The following RABEP2 variants were observed in gnomAD, a reference collection of about 807,000 sequenced individuals.
RABEP2 encodes rab GTPase-binding effector protein 2.
Under a neutral mutation model 74.1 loss-of-function variants are expected in RABEP2, and 57 were observed. That is an observed-to-expected ratio of 0.77 (90% confidence interval 0.62 to 0.96). RABEP2 has a LOEUF of 0.96. Ranked by LOEUF, RABEP2 falls within the 40% of genes least tolerant of loss-of-function variation. RABEP2 has a pLI of 0.00. For synonymous variants in RABEP2, 351 were observed against 344.0 expected, an observed-to-expected ratio of 1.02 and a Z score of -0.23; for missense variants, 692 against 756.3, an observed-to-expected ratio of 0.91 and a Z score of 1.00.
chr16:28,904,580 C>T lies in RABEP2; in HGVS notation c.*363G>A, dbSNP rs769282324. The T allele has an allele frequency of 3.1e-5, 40 of 1,308,250 alleles. No homozygotes were observed. The highest frequency in any genetic ancestry group is 3.0e-5 in the Non-Finnish European group (30 of 984,448). The allele number at this position is 1,308,250 out of a possible 1,614,324, so 81.0% of individuals were successfully genotyped here. A position where few individuals can be genotyped will look rare whatever the true frequency, so the allele number is the denominator to read the frequency against. On this transcript the variant is annotated 3_prime_UTR_variant, in exon 13 of 13. Transcript: ENST00000358201. ...CCAGGGCCGGGGCCCACCTCACTGC[C>T]TCTGATGGGGACTCCCAGCCCCCAT...
chr16:28,911,428 G>A (rs1788373984), intron 5 of RABEP2, among the ~76,000 whole-genome samples: 1 of 152,124 alleles, frequency 6.6e-6, no homozygotes. Flanking sequence ...TTGGAAGGCC[G>A]AGGCGGGTGG....
Position 28,914,763 on chromosome 16 carries a change from T to C in RABEP2, c.452A>G (p.Lys151Arg), listed in dbSNP as rs775314513. 9.9e-6 allele frequency: 16 copies of C among 1,614,030 alleles called. No individual in the cohort carries two copies. The highest frequency in any genetic ancestry group is 1.4e-5 in the Non-Finnish European group (16 of 1,180,004). The change falls in exon 4 of 13, where the codon AAG (lysine) becomes AGG (arginine). Residue 151 changes from lysine to arginine, a missense_variant. Physicochemically the swap from Lys to Arg is conservative, Grantham distance 26. Coordinates refer to ENST00000358201, the MANE Select transcript of RABEP2 (RefSeq NM_024816.3). ...QMEKAHEDSE[K>R]LREIVLPMEK... ...CATGGGCAGTACGATCTCCCGCAGC[T>C]TCTCCGAGTCCTCGTGGGCCTGGAG... is the stretch of plus-strand genomic sequence containing the variant.
At position 28,904,920 on chromosome 16, in the gene RABEP2, G is replaced by A. The variant is rs1425099773; in HGVS notation, c.*23C>T. 4 of 1,558,644 alleles carry A rather than the reference G, an allele frequency of 2.6e-6. No homozygotes were observed. The highest frequency in any genetic ancestry group is 3.5e-6 in the Non-Finnish European group (4 of 1,132,696). ...TGGGGAAAGGCGTCTTTCCCAGGGT[G>A]GGGGTGGGGATATCCTGACCCCTCA... On this transcript the variant is annotated 3_prime_UTR_variant, in exon 13 of 13. Transcript: ENST00000358201.
chr16:28,916,912 C>T (rs1355779915), intron 3 of RABEP2, among the ~76,000 whole-genome samples: 1 of 150,748 alleles, frequency 6.6e-6, no homozygotes, highest in Non-Finnish European at 1.5e-5. Flanking sequence ...TGAACCAGGA[C>T]CTGGGTGCAG....
rs756862564 is a variant in RABEP2, at chr16:28,910,912, G to C, written c.1065C>G (p.Ala355=). Residue 355 remains alanine, a synonymous_variant, in exon 7 of 13, where the codon GCC becomes GCG. Coordinates refer to ENST00000358201, the MANE Select transcript of RABEP2 (RefSeq NM_024816.3). ...CCATCTGCAGCTGCACCCGCTCCTG[G>C]GCCTGGCTCACGGTCCCTTGCAGGG... is the stretch of plus-strand genomic sequence containing the variant. ...LRTLQGTVSQ[A]QERVQLQMAE... 6.2e-7 allele frequency: 1 copy of C among 1,612,730 alleles called. No individual in the cohort carries two copies. Among genetic ancestry groups the C allele is most frequent in the Non-Finnish European group, 8.5e-7 (1 of 1,179,600 alleles).
Position 28,909,028 on chromosome 16 carries a change from TAC to T in RABEP2, c.1090-266_1090-265del, listed in dbSNP as rs888783202. Among the ~76,000 whole-genome samples the T allele has an allele frequency of 3.8e-4, 57 of 148,594 alleles. 1 individual carries two copies. The East Asian group carries it at 7.1e-3, about 18-fold the overall frequency. ...ATATATATATATATATATATACACA[TAC>T]ACACACACACACACAAATATTTAAA... On this transcript the variant is annotated intron_variant, in intron 7 of 12. Coordinates refer to ENST00000358201, the MANE Select transcript of RABEP2 (RefSeq NM_024816.3).
chr16:28,918,120 G>A (rs971220673), intron 3 of RABEP2, among the ~76,000 whole-genome samples: 1 of 140,686 alleles, frequency 7.1e-6, no homozygotes, highest in Non-Finnish European at 1.5e-5. Flanking sequence ...TCGCCCAGGT[G>A]GGACTGCGGA....
chr16:28,916,137 T>G (rs1269080089), intron 3 of RABEP2: 1 of 151,922 alleles, frequency 6.6e-6, no homozygotes, highest in African/African-American at 2.4e-5. Flanking sequence ...ATTACAGGCA[T>G]GAGCCACCGT....
chr16:28,921,521 C>T (rs563211771), intron 2 of RABEP2, among the ~76,000 whole-genome samples: 77 of 151,892 alleles, frequency 5.1e-4, no homozygotes, highest in African/African-American at 1.8e-3. Context: ...ACAGTGAAGG[C>T]GCCCAAGGAG....
chr16:28,911,315 C>A, intron 5 of RABEP2, 136 bp from the exon 6 acceptor site: 1 of 771,604 alleles, frequency 1.3e-6, no homozygotes, highest in Non-Finnish European at 2.1e-6. Context: ...CATCCATTCT[C>A]TTCCCTTCAC....
chr16:28,922,215 G>C (rs765555589), intron 2 of RABEP2, among the ~76,000 whole-genome samples: 3 of 152,154 alleles, frequency 2.0e-5, no homozygotes, highest in African/African-American at 7.2e-5. Context: ...ACATGGACTT[G>C]TTTGATTTTT....
intron 2 of RABEP2, among the ~76,000 whole-genome samples, chr16:28,923,199 G>T (rs1964489621): frequency 6.6e-6 from 1 of 152,138 alleles, no homozygotes; most frequent in Admixed American, 6.6e-5. Context: ...TTTGAGCTCA[G>T]GAGTTCAAGA....
At chr16:28,912,029 G>A (rs915203506) in intron 5 of RABEP2, among the ~76,000 whole-genome samples, 1 of 151,870 alleles carries the variant, frequency 6.6e-6, no homozygotes, top group Admixed American at 6.6e-5. Context: ...GGCGGATCAC[G>A]AGGTCAGGAG....
chr16:28,910,028 CAAAAAAAAAAAA>C (rs779404464), intron 7 of RABEP2, among the ~76,000 whole-genome samples: 1 of 69,168 alleles, frequency 1.4e-5, no homozygotes, highest in Non-Finnish European at 3.1e-5. Flanking sequence ...GACTCCGTCT[CAAAAAAAAAAAA>C]AAAAAAAAAA....
rs779592285 is a variant in RABEP2 at position 28,911,109 on chromosome 16, C to T, written c.965G>A (p.Arg322Gln). ...ERDELQEGLR[R>Q]SNEDCAKQMQ... ...CTGCTTGGCACAGTCCTCATTGCTC[C>T]GTCTCAGGCCCTCTTGGAGCTCGTC... Residue 322 changes from arginine (R) to glutamine (Q), a missense_variant, in exon 6 of 13, where the codon CGG becomes CAG. By Grantham distance (43) the Arg-to-Gln change is conservative. Coordinates refer to ENST00000358201, the MANE Select transcript of RABEP2 (RefSeq NM_024816.3). 2.1e-5 allele frequency: 34 copies of T among 1,613,280 alleles called. No individual in the cohort carries two copies. In the East Asian group the frequency reaches 5.6e-4, roughly 26 times the overall value.
Position 28,908,714 on chromosome 16 carries a change from C to G in RABEP2, c.1140G>C (p.Leu380Phe), listed in dbSNP as rs747729816. Residue 380 changes from leucine to phenylalanine, a missense_variant, in exon 8 of 13, where the codon TTG becomes TTC. Leu to Phe is a conservative substitution (Grantham distance 22). Coordinates refer to ENST00000358201, the MANE Select transcript of RABEP2 (RefSeq NM_024816.3). Reference sequence around the variant, plus strand: ...CCCGGAGCCCTTGGTTTTCCTCATTCAACCGCTTTACCTCATGGTGCAGGC... The same window carrying G: ...CCCGGAGCCCTTGGTTTTCCTCATTGAACCGCTTTACCTCATGGTGCAGGC... The part of the protein sequence containing the change: ...HKCLHHEVKR[L>F]NEENQGLRAE... The G allele has an allele frequency of 6.2e-7, 1 of 1,614,220 alleles. No individual in the cohort carries two copies. The highest frequency in any genetic ancestry group is 8.5e-7 in the Non-Finnish European group (1 of 1,180,034).
rs372609269 is a variant in RABEP2, at chr16:28,914,446, G to A, written c.684C>T (p.Cys228=). 1.2e-5 allele frequency: 19 copies of A among 1,613,382 alleles called. No individual in the cohort carries two copies. The highest frequency in any genetic ancestry group is 1.6e-4 in the Middle Eastern group (1 of 6,082). The change falls in exon 5 of 13, where the codon TGC becomes TGT. Residue 228 remains cysteine, a synonymous_variant. Transcript: ENST00000358201. ...GPAAEAFAHN[C]DDSASISSFS... is the part of the protein sequence containing the mutation. ...AGGAGGAGATGGAGGCGCTGTCATC[G>A]CAGTTGTGAGCGAAGGCCTCAGCGG...
At chr16:28,908,069 G>A (rs911145254) in intron 8 of RABEP2, among the ~76,000 whole-genome samples, 17 of 151,632 alleles carry the variant, frequency 1.1e-4, no homozygotes, top group Admixed American at 5.9e-4. Flanking sequence ...CAAAGTGCTG[G>A]GATTACAGGC....
chr16:28,920,627 C>T lies in RABEP2; in HGVS notation c.275-684G>A, dbSNP rs141688111. 8.9e-3 allele frequency among the ~76,000 whole-genome samples: 1,348 copies of T among 152,132 alleles called. 21 individuals are homozygous for T. Among genetic ancestry groups the T allele is most frequent in the African/African-American group, 0.031 (1,297 of 41,514 alleles). ...TCTTGAACTCCTGACCTCAAGCGAT[C>T]CGCCCGCCTTGGCCTCCCAAAGTGC... On this transcript the variant is annotated intron_variant, in intron 2 of 12. Coordinates refer to ENST00000358201, the MANE Select transcript of RABEP2 (RefSeq NM_024816.3).
Sources: allele counts gnomAD v4.1 joint callset (sites outside exome capture counted in the v4.1 genomes callset), GRCh38; gene constraint gnomAD v4.1.1; transcripts MANE v1.5; gene names NCBI Gene and HGNC (gene_info 2026-07-23, HGNC 2026-07-21).